The following DNHD1 variants were observed in gnomAD, a reference collection of about 807,000 sequenced individuals.
DNHD1 encodes the protein dynein heavy chain domain-containing protein 1.
A neutral mutation model predicts 458.1 loss-of-function variants in DNHD1; 383 were observed. The ratio of observed to expected loss-of-function variants is 0.84; its 90% CI spans 0.77 to 0.91. The LOEUF is 0.91. DNHD1 is among the 40% of genes least tolerant of loss of function. The pLI is 0.00. For missense variants in DNHD1, 5,336 were observed against 5,866.1 expected (o/e 0.91, Z 2.95); for synonymous variants, 2,203 against 2,376.9 (o/e 0.93, Z 2.13).
At chr11:6,569,910 C>T in intron 39 of DNHD1, 99 bp from the exon 40 acceptor site, 1 of 988,326 alleles carries the variant, frequency 1.0e-6, no homozygotes, top group East Asian at 2.4e-5. Flanking sequence ...TGGCAATGAA[C>T]CCGAAGCTCA....
At chr11:6,499,625 C>T (rs575817120) in intron 3 of DNHD1, among the ~76,000 whole-genome samples, 84 of 147,708 alleles carry the variant, frequency 5.7e-4, no homozygotes, top group Admixed American at 1.7e-3. Flanking sequence ...TGGAGTGCAA[C>T]GGCATGGTCT....
chr11:6,512,356 G>T (rs1258184401), intron 7 of DNHD1, among the ~76,000 whole-genome samples: 1 of 150,994 alleles, frequency 6.6e-6, no homozygotes, highest in East Asian at 1.9e-4. Context: ...AAGTAGCTGG[G>T]ACTACAGGCA....
chr11:6,571,414 G>A lies in DNHD1; in HGVS notation c.13902G>A (p.Leu4634=). ...GTCTGGAGATGAACAGCAACCCTCT[G>A]CACTTCAGGGTATCTTCGCGCCGCC... ...YKRLEMNSNP[L]HFRVENGPNP... is the part of the protein sequence containing the mutation. Residue 4634 remains leucine, a synonymous_variant, in exon 42 of 43, where the codon CTG becomes CTA. Transcript: ENST00000254579. This position sits in a 1 kb window ranked among gnomAD's most constrained non-coding sequence, Gnocchi z 5.0. The A allele has an allele frequency of 1.9e-6, 3 of 1,597,630 alleles. No individual in the cohort carries two copies. Among genetic ancestry groups the A allele is most frequent in the Non-Finnish European group, 2.6e-6 (3 of 1,168,698 alleles).
chr11:6,533,721 G>A lies in DNHD1; in HGVS notation c.2546G>A (p.Arg849Gln), dbSNP rs558110476. 147 of 1,551,264 alleles carry A rather than the reference G, an allele frequency of 9.5e-5. No homozygotes were observed. The highest frequency in any genetic ancestry group is 6.8e-5 in the Non-Finnish European group (78 of 1,146,818). ...GAACAGTACGTCGAGCTGGAGGAGC[G>A]AATGGAATACGTACGGGCACTCCAC... ...ANEQYVELEERMEYVRALHEL... is the reference protein window; with the variant it reads ...ANEQYVELEEQMEYVRALHEL... The change falls in exon 14 of 43, where the codon CGA (arginine) becomes CAA (glutamine). Residue 849 changes from arginine (R) to glutamine (Q), a missense_variant. Around this residue, in one of 4 missense-constraint regions of DNHD1, gnomAD observed 3,932 missense variants for 4,365.6 expected, o/e 0.90. Coordinates refer to ENST00000254579, the MANE Select transcript of DNHD1 (RefSeq NM_144666.3).
rs1853263464 is a variant in DNHD1 at position 6,548,172 on chromosome 11, A to G, written c.6906-38A>G. ...GTGTGTCATAAATGGAAGTGTTGTA[A>G]CTGTCTGACGCTTTTGCCTGTGTGT... On this transcript the variant is annotated intron_variant, in intron 22 of 42. Coordinates refer to ENST00000254579, the MANE Select transcript of DNHD1 (RefSeq NM_144666.3). The surrounding 1 kb of genome is among the most constrained non-coding windows in gnomAD (Gnocchi z 4.4). The G allele has an allele frequency of 1.3e-6, 2 of 1,548,542 alleles. No homozygotes were observed. The highest frequency in any genetic ancestry group is 1.7e-6 in the Non-Finnish European group (2 of 1,144,544).
chr11:6,544,453 C>A, intron 19 of DNHD1, 121 bp from the exon 20 acceptor site: 1 of 1,019,818 alleles, frequency 9.8e-7, no homozygotes, highest in South Asian at 1.6e-5. Flanking sequence ...CTGAGTCCTG[C>A]TGGGCAGAGT....
rs1356172742 is a variant in DNHD1 at position 6,545,289 on chromosome 11, T to C, written c.4350T>C (p.Ser1450=). Residue 1450 remains serine, a synonymous_variant, in exon 21 of 43, where the codon TCT becomes TCC. Transcript: ENST00000254579. The surrounding 1 kb of genome is among the most constrained non-coding windows in gnomAD (Gnocchi z 4.9). ...LHPDLPKWLA[S]LEKCLRLALV... ...CAGATCTCCCTAAGTGGCTGGCCTCTCTGGAGAAGTGTCTGCGCTTGGCAC... is the reference window on the plus strand; with the variant it reads ...CAGATCTCCCTAAGTGGCTGGCCTCCCTGGAGAAGTGTCTGCGCTTGGCAC... The C allele has an allele frequency of 6.4e-7, 1 of 1,551,700 alleles. No individual in the cohort carries two copies. Among genetic ancestry groups the C allele is most frequent in the Non-Finnish European group, 8.7e-7 (1 of 1,147,010 alleles).
chr11:6,501,812 G>A (rs1445531461), intron 3 of DNHD1, among the ~76,000 whole-genome samples: 1 of 152,152 alleles, frequency 6.6e-6, no homozygotes, highest in Admixed American at 6.5e-5. Flanking sequence ...TATAATATAG[G>A]ACTTTGCTGA....
chr11:6,566,200 G>A (rs939743773), intron 33 of DNHD1, 41 bp from the exon 34 acceptor site: 4 of 1,545,490 alleles, frequency 2.6e-6, no homozygotes, highest in Non-Finnish European at 3.5e-6. Context: ...GATCATGGGT[G>A]CTGGCATTGT....
intron 7 of DNHD1, among the ~76,000 whole-genome samples, chr11:6,511,906 C>A (rs1246528297): frequency 1.3e-5 from 2 of 152,198 alleles, no homozygotes; most frequent in African/African-American, 4.8e-5. Context: ...CTGGGAGGCC[C>A]TCCTGTGTAC....
chr11:6,538,585 G>A, intron 15 of DNHD1, 27 bp from the exon 16 acceptor site: 1 of 1,549,516 alleles, frequency 6.5e-7, no homozygotes, highest in Non-Finnish European at 8.7e-7. Context: ...AGAGTCTCAA[G>A]CTGACAGTGA....
intron 28 of DNHD1, among the ~76,000 whole-genome samples, chr11:6,562,407 G>C (rs560130149): frequency 1.3e-5 from 2 of 152,330 alleles, no homozygotes; most frequent in South Asian, 4.1e-4. Flanking sequence ...ACACGGTATG[G>C]GGCAGGGAGG....
chr11:6,544,533 C>T, intron 19 of DNHD1, 41 bp from the exon 20 acceptor site: 1 of 1,490,452 alleles, frequency 6.7e-7, no homozygotes, highest in Non-Finnish European at 9.1e-7. Flanking sequence ...AAGGTAGAAC[C>T]CTAGTGTTTC....
Position 6,545,006 on chromosome 11 carries a change from T to TC in DNHD1, c.4072dup (p.Arg1358ProfsTer6). On this transcript the variant is annotated frameshift_variant, in exon 21 of 43. Coordinates refer to ENST00000254579, the MANE Select transcript of DNHD1 (RefSeq NM_144666.3). The surrounding 1 kb of genome is among the most constrained non-coding windows in gnomAD (Gnocchi z 4.9). ...GTGCTCTATGGGGTGTGTGCTCACT[T>TC]CCCCCGCCTCTTCTTCCTTAGTGAC... 1.1e-5 allele frequency: 17 copies of TC among 1,551,574 alleles called. No homozygotes were observed. Among genetic ancestry groups the TC allele is most frequent in the African/African-American group, 1.4e-5 (1 of 73,116 alleles).
At position 6,559,278 on chromosome 11, in the gene DNHD1, G is replaced by A. The variant is rs370840963; in HGVS notation, c.9514G>A (p.Gly3172Ser). 9.7e-6 allele frequency: 15 copies of A among 1,551,350 alleles called. No individual in the cohort carries two copies. Among genetic ancestry groups the A allele is most frequent in the Admixed American group, 3.9e-5 (2 of 50,976 alleles). The change falls in exon 28 of 43, where the codon GGC becomes AGC. Residue 3172 changes from glycine to serine, a missense_variant. Physicochemically the swap from Gly to Ser is moderately conservative, Grantham distance 56. Coordinates refer to ENST00000254579, the MANE Select transcript of DNHD1 (RefSeq NM_144666.3). ...CTTGGAACAGCAGCTGAAAGACTCCGGCAAGGTAAGGAGATGATTTTGAGG... is the reference window on the plus strand; with the variant it reads ...CTTGGAACAGCAGCTGAAAGACTCCAGCAAGGTAAGGAGATGATTTTGAGG... ...FDLEQQLKDS[G>S]KSLSMFQQQL...
In DNHD1 at chr11:6,564,437, G is replaced by A. The variant is rs1484668849; in HGVS notation, c.10389G>A (p.Leu3463=). The part of the protein sequence containing the change: ...PFPPLRRQEL[L]DEWLALCRGF... ...CACCATTGCGGCGCCAAGAGCTACT[G>A]GACGAGTGGTTAGCTCTGTGTAGGG... Residue 3463 remains leucine, a synonymous_variant, in exon 32 of 43, where the codon CTG becomes CTA. Coordinates refer to ENST00000254579, the MANE Select transcript of DNHD1 (RefSeq NM_144666.3). The A allele has an allele frequency of 1.3e-6, 2 of 1,551,710 alleles. No individual in the cohort carries two copies. Among genetic ancestry groups the A allele is most frequent in the Admixed American group, 3.9e-5 (2 of 51,008 alleles).
At chr11:6,535,665 C>T (rs2344929) in intron 14 of DNHD1, among the ~76,000 whole-genome samples, 78,213 of 151,900 alleles carry the variant, frequency 0.51, 21,167 homozygotes, top group East Asian at 0.81. Context: ...ATTTATTATG[C>T]GTAGTAATAA....
Position 6,566,738 on chromosome 11 carries a change from T to C in DNHD1, c.11358T>C (p.Asp3786=), listed in dbSNP as rs1029453241. Residue 3786 remains aspartate (D), a synonymous_variant, in exon 35 of 43, where the codon GAT becomes GAC. Transcript: ENST00000254579. ...AGGACCTAAAGATCAGAGCCCTAGATACCTGCAAGGCTGTGGAGGCTGCTG... is the reference window on the plus strand; with the variant it reads ...AGGACCTAAAGATCAGAGCCCTAGACACCTGCAAGGCTGTGGAGGCTGCTG... ...RWQDLKIRAL[D]TCKAVEAAEE... 4.3e-6 allele frequency: 7 copies of C among 1,611,246 alleles called. No homozygotes were observed. In the Admixed American group the frequency reaches 6.7e-5, roughly 15 times the overall value.
chr11:6,547,671 G>A lies in DNHD1; in HGVS notation c.6727+5G>A. The A allele has an allele frequency of 6.6e-7, 1 of 1,514,742 alleles. No individual in the cohort carries two copies. The highest frequency in any genetic ancestry group is 8.9e-7 in the Non-Finnish European group (1 of 1,125,172). 93.8% of individuals were successfully genotyped at this position (1,514,742 alleles called of 1,614,324 possible). On this transcript the variant is annotated splice_donor_5th_base_variant and intron_variant, in intron 21 of 42. Transcript: ENST00000254579. Reference sequence around the variant, plus strand: ...AGGAGAAGGCCCCTGGCCCAGGTGGGAAGATGGACGGGCTGGTTTGAGAGA... The same window carrying A: ...AGGAGAAGGCCCCTGGCCCAGGTGGAAAGATGGACGGGCTGGTTTGAGAGA...
Sources: gnomAD v4.1 joint callset for allele counts (sites outside exome capture counted in the v4.1 genomes callset) on GRCh38, gnomAD v4.1.1 for gene constraint, gnomAD v4.1.1 regional missense constraint, Gnocchi (gnomAD v3.1) non-coding constraint, MANE v1.5 for transcripts, NCBI Gene and HGNC (gene_info 2026-07-23, HGNC 2026-07-21) for gene names.